LYPD6: variants seen among roughly 807,000 people sequenced by gnomAD.
LYPD6 encodes the protein LY6/PLAUR domain containing 6, also known as ly6/PLAUR domain-containing protein 6.
LYPD6 carries 15 observed loss-of-function variants against 22.7 expected under a neutral mutation model. The ratio of observed to expected loss-of-function variants is 0.66; its 90% CI spans 0.44 to 1.02. The LOEUF is 1.02. LYPD6 is among the 50% of genes least tolerant of loss of function. The probability of loss-of-function intolerance (pLI) is 0.00; values close to 1 mark genes in which losing one functional copy is unlikely to be tolerated. For synonymous variants in LYPD6, 72 were observed against 77.5 expected, an observed-to-expected ratio of 0.93 and a Z score of 0.37; for missense variants, 189 against 208.4, an observed-to-expected ratio of 0.91 and a Z score of 0.57.
chr2:149,472,608 T>G lies in LYPD6; in HGVS notation c.*1758T>G, dbSNP rs916972625. ...GAGTTTGTTAGGCTTATCAGTATGT[T>G]GCTTTTAATTGGGGTGGGAAAGTAG... On this transcript the variant is annotated 3_prime_UTR_variant, in exon 5 of 5. Transcript: ENST00000334166. The G allele has an allele frequency of 6.6e-6, 1 of 152,642 alleles. No individual in the cohort carries two copies. The highest frequency in any genetic ancestry group is 1.5e-5 in the Non-Finnish European group (1 of 68,048). 9.5% of individuals were successfully genotyped at this position (152,642 alleles called of 1,614,324 possible).
intron 1 of LYPD6, among the ~76,000 whole-genome samples, chr2:149,408,479 C>T (rs1682778192): frequency 6.6e-6 from 1 of 152,086 alleles, no homozygotes; most frequent in Admixed American, 6.5e-5. Context: ...GGAGGTTTTC[C>T]TTGATTATTT....
intron 1 of LYPD6, among the ~76,000 whole-genome samples, chr2:149,412,452 A>C (rs1432151326): frequency 2.0e-5 from 3 of 150,140 alleles, no homozygotes; most frequent in African/African-American, 7.5e-5. Context: ...GGAAATCCTT[A>C]GAATCCATCA....
chr2:149,467,596 G>A lies in LYPD6; in HGVS notation c.218-1049G>A, dbSNP rs189745017. Reference sequence around the variant, plus strand: ...CTGGTGGGGGAGAGGGGAGGAATTTGTATTGCCTAATAAATAATCTCATAG... The same window carrying A: ...CTGGTGGGGGAGAGGGGAGGAATTTATATTGCCTAATAAATAATCTCATAG... On this transcript the variant is annotated intron_variant, in intron 3 of 4. Coordinates refer to ENST00000334166, the MANE Select transcript of LYPD6 (RefSeq NM_194317.5). Among the ~76,000 whole-genome samples, 699 of 152,162 alleles carry A rather than the reference G, an allele frequency of 4.6e-3. 4 individuals are homozygous for A. Among genetic ancestry groups the A allele is most frequent in the African/African-American group, 0.016 (677 of 41,528 alleles).
At chr2:149,452,370 A>T (rs942060923) in intron 3 of LYPD6, among the ~76,000 whole-genome samples, 4 of 152,282 alleles carry the variant, frequency 2.6e-5, no homozygotes, top group South Asian at 2.1e-4. Flanking sequence ...TTTTCTTCAG[A>T]TTTTTCTAAC....
At chr2:149,346,106 G>GTTAT (rs1681251017) in intron 1 of LYPD6, among the ~76,000 whole-genome samples, 2 of 152,154 alleles carry the variant, frequency 1.3e-5, no homozygotes, top group South Asian at 4.1e-4. Flanking sequence ...AATTGTTAAT[G>GTTAT]ATAAGTGCTT....
At chr2:149,447,884 C>T (rs1257446582) in intron 2 of LYPD6, among the ~76,000 whole-genome samples, 1 of 152,074 alleles carries the variant, frequency 6.6e-6, no homozygotes, top group Non-Finnish European at 1.5e-5. Flanking sequence ...GCCTATAATC[C>T]CAGCAGTTTG....
chr2:149,399,833 C>T (rs72863929), intron 1 of LYPD6, among the ~76,000 whole-genome samples: 30,054 of 152,044 alleles, frequency 0.2, 2,994 homozygotes, highest in Middle Eastern at 0.22. Context: ...CAGAATCCTT[C>T]ATAATAAAAG....
At chr2:149,435,098 A>G (rs1226451199) in intron 1 of LYPD6, among the ~76,000 whole-genome samples, 4 of 152,154 alleles carry the variant, frequency 2.6e-5, no homozygotes, top group Non-Finnish European at 5.9e-5. Context: ...CTGGGTTCTT[A>G]TGAGTAGAGG....
At chr2:149,366,673 T>G (rs1573744803) in intron 1 of LYPD6, among the ~76,000 whole-genome samples, 2 of 152,346 alleles carry the variant, frequency 1.3e-5, no homozygotes, top group East Asian at 1.9e-4. Flanking sequence ...CTTGCTAATT[T>G]TTTTATTGAA....
chr2:149,408,004 AC>A (rs1313626981), intron 1 of LYPD6, among the ~76,000 whole-genome samples: 1 of 152,132 alleles, frequency 6.6e-6, no homozygotes, highest in African/African-American at 2.4e-5. Context: ...TCCACTCCAG[AC>A]CCTGTTTGCC....
intron 1 of LYPD6, among the ~76,000 whole-genome samples, chr2:149,383,766 C>T (rs1682120605): frequency 6.6e-6 from 1 of 152,116 alleles, no homozygotes; most frequent in Non-Finnish European, 1.5e-5. Flanking sequence ...GGGATGATTT[C>T]CTAGTAACTG....
intron 1 of LYPD6, among the ~76,000 whole-genome samples, chr2:149,416,851 AG>A (rs1682974984): frequency 6.6e-6 from 1 of 152,184 alleles, no homozygotes; most frequent in South Asian, 2.1e-4. Flanking sequence ...CACATTTAGA[AG>A]GCAGTTCTAG....
At chr2:149,468,140 C>CACACACACACACACAA (rs1382397678) in intron 3 of LYPD6, among the ~76,000 whole-genome samples, 6 of 119,500 alleles carry the variant, frequency 5.0e-5, no homozygotes, top group Non-Finnish European at 8.1e-5. Context: ...CCAACACACA[C>CACACACACACACACAA]ACACACACAC....
At chr2:149,441,937 C>T (rs1053046155) in intron 2 of LYPD6, among the ~76,000 whole-genome samples, 2 of 152,104 alleles carry the variant, frequency 1.3e-5, no homozygotes, top group Admixed American at 1.3e-4. Flanking sequence ...GAGCTGTATT[C>T]CTGTGGGGGC....
At chr2:149,477,728 G>A (rs1455905473), downstream of LYPD6, among the ~76,000 whole-genome samples, 1 of 151,960 alleles carries the variant, frequency 6.6e-6, no homozygotes, top group Non-Finnish European at 1.5e-5. Flanking sequence ...TTATATCTGA[G>A]GATCTTGAAA....
At chr2:149,456,230 A>G (rs1400777045) in intron 3 of LYPD6, among the ~76,000 whole-genome samples, 4 of 152,112 alleles carry the variant, frequency 2.6e-5, no homozygotes, top group Admixed American at 6.5e-5. Flanking sequence ...TCTTGAGTCT[A>G]TTTTCTTTCA....
chr2:149,346,822 T>C (rs2105054537), intron 1 of LYPD6, among the ~76,000 whole-genome samples: 1 of 152,270 alleles, frequency 6.6e-6, no homozygotes, highest in East Asian at 1.9e-4. Context: ...TGCCTCAGCC[T>C]CCCAAGTAGC....
At chr2:149,334,591 G>A (rs945343562) in intron 1 of LYPD6, among the ~76,000 whole-genome samples, 2 of 152,184 alleles carry the variant, frequency 1.3e-5, no homozygotes, top group African/African-American at 4.8e-5. Context: ...TGGTGTGTAC[G>A]TGACAGCAAT....
chr2:149,389,038 C>T (rs1682249870), intron 1 of LYPD6, among the ~76,000 whole-genome samples: 1 of 151,974 alleles, frequency 6.6e-6, no homozygotes, highest in Non-Finnish European at 1.5e-5. Context: ...GATCAGGTTA[C>T]AGCATAGGAT....
Sources: allele counts gnomAD v4.1 joint callset (sites outside exome capture counted in the v4.1 genomes callset), GRCh38; gene constraint gnomAD v4.1.1; transcripts MANE v1.5; gene names NCBI Gene and HGNC (gene_info 2026-07-23, HGNC 2026-07-21).